The following MRPL10 variants were observed in gnomAD, a reference collection of about 807,000 sequenced individuals.
The protein encoded by MRPL10 is large ribosomal subunit protein uL10m.
A neutral mutation model predicts 19.8 loss-of-function variants in MRPL10; 14 were observed. That is an observed-to-expected ratio of 0.71 (90% CI 0.47 to 1.11). MRPL10 has a LOEUF of 1.11. Among genes scored for constraint, MRPL10 ranks in the 50% least tolerant of loss-of-function variants. MRPL10 has a pLI of 0.00. For synonymous variants in MRPL10, 129 were observed against 139.2 expected, an observed-to-expected ratio of 0.93 and a Z score of 0.52; for missense variants, 318 against 339.6, an observed-to-expected ratio of 0.94 and a Z score of 0.50.
intron 1 of MRPL10, among the ~76,000 whole-genome samples, chr17:47,829,879 A>G (rs1427728161): frequency 2.0e-5 from 3 of 150,846 alleles, no homozygotes; most frequent in African/African-American, 7.3e-5. Context: ...CCTGGGTGAC[A>G]GAGCAAGACT....
At chr17:47,824,968 C>T (rs934870247) in intron 4 of MRPL10, among the ~76,000 whole-genome samples, 1 of 141,990 alleles carries the variant, frequency 7.0e-6, no homozygotes, top group African/African-American at 2.7e-5. Flanking sequence ...AAGCTGAGAT[C>T]GTGCCATTGC....
intron 4 of MRPL10, among the ~76,000 whole-genome samples, chr17:47,826,375 G>A (rs1286658463): frequency 6.6e-6 from 1 of 152,086 alleles, no homozygotes; most frequent in Non-Finnish European, 1.5e-5. Context: ...CCCACTGTTA[G>A]ACTCAAGGTA....
chr17:47,827,455 C>T (rs748545101), intron 2 of MRPL10, among the ~76,000 whole-genome samples: 3 of 152,184 alleles, frequency 2.0e-5, no homozygotes, highest in Non-Finnish European at 4.4e-5. Flanking sequence ...CAGATCCACT[C>T]CCCCGAAAAC....
chr17:47,824,751 T>C (rs2033501938), intron 4 of MRPL10, among the ~76,000 whole-genome samples: 1 of 152,090 alleles, frequency 6.6e-6, no homozygotes, highest in Non-Finnish European at 1.5e-5. Context: ...TGGTGGCTCA[T>C]GCCTGTAATC....
At chr17:47,829,873 G>A (rs912386299) in intron 1 of MRPL10, among the ~76,000 whole-genome samples, 1 of 151,444 alleles carries the variant, frequency 6.6e-6, no homozygotes, top group African/African-American at 2.4e-5. Context: ...CTCCGGCCTG[G>A]GTGACAGAGC....
At chr17:47,825,607 G>A (rs1252875493) in intron 4 of MRPL10, among the ~76,000 whole-genome samples, 1 of 151,708 alleles carries the variant, frequency 6.6e-6, no homozygotes, top group African/African-American at 2.4e-5. Context: ...CCTGGGCAAT[G>A]GGAGTGAGAC....
chr17:47,827,024 G>A lies in MRPL10; in HGVS notation c.387+16C>T, dbSNP rs1312313100. 1.3e-6 allele frequency: 2 copies of A among 1,597,242 alleles called. No individual in the cohort carries two copies. The highest frequency in any genetic ancestry group is 1.7e-5 in the Admixed American group (1 of 57,820). ...GGGGAAGATGGGCAACCCATGCCAA[G>A]GGGCCTGCTCCCTACCTGGTTGGGG... On this transcript the variant is annotated intron_variant, in intron 3 of 4. Transcript: ENST00000351111.
At chr17:47,826,898 C>T in intron 3 of MRPL10, 117 bp from the exon 4 acceptor site, 2 of 1,493,996 alleles carry the variant, frequency 1.3e-6, no homozygotes, top group Non-Finnish European at 1.8e-6. Flanking sequence ...AGCCCCTAAT[C>T]ATAGGTTAGA....
At chr17:47,828,857 G>C (rs1160991818) in intron 1 of MRPL10, among the ~76,000 whole-genome samples, 187 bp from the exon 2 acceptor site, 2 of 152,206 alleles carry the variant, frequency 1.3e-5, no homozygotes, top group Non-Finnish European at 2.9e-5. Flanking sequence ...TTCAGTAAGT[G>C]ACCCGAGGTC....
Position 47,824,407 on chromosome 17 carries a change from G to C in MRPL10, c.584C>G (p.Ser195Cys), listed in dbSNP as rs553491624. The C allele has an allele frequency of 3.8e-6, 6 of 1,589,740 alleles. No individual in the cohort carries two copies. Among genetic ancestry groups the C allele is most frequent in the Middle Eastern group, 1.7e-4 (1 of 5,948 alleles). Residue 195 changes from serine to cysteine, a missense_variant, in exon 5 of 5, where the codon TCC becomes TGC. By Grantham distance (112) the Ser-to-Cys change is moderately radical. Transcript: ENST00000351111. The part of the protein sequence containing the change: ...ILSRQGFINY[S>C]KLPSLPLVQG... ...CACCAGGGGCAGGCTGGGGAGCTTG[G>C]AGTAGTTGATAAAGCCCTGCCTGCT...
rs757765250 is a variant in MRPL10, at chr17:47,824,362, C to T, written c.629G>A (p.Gly210Asp). 52 of 1,612,416 alleles carry T rather than the reference C, an allele frequency of 3.2e-5. No individual in the cohort carries two copies. Among genetic ancestry groups the T allele is most frequent in the Non-Finnish European group, 4.2e-5 (50 of 1,179,020 alleles). Residue 210 changes from glycine (G) to aspartate (D), a missense_variant, in exon 5 of 5, where the codon GGC (glycine) becomes GAC (aspartate). Coordinates refer to ENST00000351111, the MANE Select transcript of MRPL10 (RefSeq NM_145255.4). ...GGTCTGGGCTGTGAGGCAGGTGAGG[C>T]CTCCTACAAGCTCCCCCTGCACCAG... is the stretch of plus-strand genomic sequence containing the variant. ...LPLVQGELVG[G>D]LTCLTAQTHS...
intron 4 of MRPL10, among the ~76,000 whole-genome samples, chr17:47,825,886 C>T (rs1191741333): frequency 6.6e-6 from 1 of 151,758 alleles, no homozygotes; most frequent in Non-Finnish European, 1.5e-5. Context: ...ATGCCTGTAA[C>T]CCCAGCACTT....
chr17:47,828,579 C>T lies in MRPL10; in HGVS notation c.144G>A (p.Met48Ile). The part of the protein sequence containing the change: ...RVMHFQRQKL[M>I]AVTEYIPPKP... Reference sequence around the variant, plus strand: ...TCGGGGGGATATATTCAGTCACAGCCATCAGCTTCTGCCGCTGAAAGTGCA... The same window carrying T: ...TCGGGGGGATATATTCAGTCACAGCTATCAGCTTCTGCCGCTGAAAGTGCA... The change falls in exon 2 of 5, where the codon ATG becomes ATA. Residue 48 changes from methionine to isoleucine, a missense_variant. Met to Ile is a conservative substitution (Grantham distance 10). Transcript: ENST00000351111. 6.6e-7 allele frequency: 1 copy of T among 1,515,268 alleles called. No individual in the cohort carries two copies. The highest frequency in any genetic ancestry group is 8.8e-7 in the Non-Finnish European group (1 of 1,139,154). The allele number at this position is 1,515,268 out of a possible 1,614,324, so 93.9% of individuals were successfully genotyped here.
chr17:47,826,406 T>C (rs1266420414), intron 4 of MRPL10, among the ~76,000 whole-genome samples: 1 of 152,160 alleles, frequency 6.6e-6, no homozygotes, highest in Non-Finnish European at 1.5e-5. Flanking sequence ...CTCTCCCTGC[T>C]CCATGTCTGC....
chr17:47,829,324 G>A (rs1367584444), intron 1 of MRPL10: 1 of 153,014 alleles, frequency 6.5e-6, no homozygotes, highest in East Asian at 1.9e-4. Context: ...GAAAGAAAAA[G>A]GGGATAAGGT....
At position 47,823,592 on chromosome 17, in the gene MRPL10, A is replaced by T. The variant is rs2033476731; in HGVS notation, c.*613T>A. ...CCACTTCTGGGTAACCTGATGAGGA[A>T]GCTCTAGTGAAGAAATTCAGGACGC... On this transcript the variant is annotated 3_prime_UTR_variant, in exon 5 of 5. Transcript: ENST00000351111. 1 of 153,842 alleles carries T rather than the reference A, an allele frequency of 6.5e-6. No individual in the cohort carries two copies. The highest frequency in any genetic ancestry group is 2.0e-4 in the South Asian group (1 of 4,992). 9.5% of individuals were successfully genotyped at this position (153,842 alleles called of 1,614,324 possible).
chr17:47,828,679 G>A lies in MRPL10; in HGVS notation c.53-9C>T. 4 of 1,507,188 alleles carry A rather than the reference G, an allele frequency of 2.7e-6. No homozygotes were observed. The highest frequency in any genetic ancestry group is 1.5e-5 in the African/African-American group (1 of 68,200). 93.4% of individuals were successfully genotyped at this position (1,507,188 alleles called of 1,614,324 possible). ...GAGGGTAGGCAGCCGGCCTGGGAGGGCATATAGCAACATGGTTAGAGGCAA... is the reference window on the plus strand; with the variant it reads ...GAGGGTAGGCAGCCGGCCTGGGAGGACATATAGCAACATGGTTAGAGGCAA... On this transcript the variant is annotated splice_polypyrimidine_tract_variant and intron_variant, in intron 1 of 4. Coordinates refer to ENST00000351111, the MANE Select transcript of MRPL10 (RefSeq NM_145255.4).
intron 2 of MRPL10, among the ~76,000 whole-genome samples, chr17:47,827,858 C>T (rs1177072557): frequency 8.0e-6 from 1 of 125,674 alleles, no homozygotes. Context: ...GAGTGTCCCA[C>T]TGCACACCAA....
chr17:47,827,714 T>C (rs926784908), intron 2 of MRPL10, among the ~76,000 whole-genome samples: 6 of 150,742 alleles, frequency 4.0e-5, no homozygotes, highest in African/African-American at 7.4e-5. Context: ...CTGACCAACA[T>C]AGCGAAACCC....
Sources: gnomAD v4.1 joint callset for allele counts (sites outside exome capture counted in the v4.1 genomes callset) on GRCh38, gnomAD v4.1.1 for gene constraint, MANE v1.5 for transcripts, NCBI Gene and HGNC (gene_info 2026-07-23, HGNC 2026-07-21) for gene names.